DCBLD1: variants seen among roughly 807,000 people sequenced by gnomAD.
DCBLD1 encodes the protein discoidin, CUB and LCCL domain-containing protein 1.
Under a neutral mutation model 71.5 loss-of-function variants are expected in DCBLD1, and 57 were observed. That is an observed-to-expected ratio of 0.80 (90% confidence interval 0.64 to 0.99). The LOEUF (loss-of-function observed/expected upper bound fraction) is 0.99, where lower values mean the gene tolerates loss of function less well. Ranked by LOEUF, DCBLD1 falls within the 50% of genes least tolerant of loss-of-function variation. The probability of loss-of-function intolerance (pLI) is 0.00; values close to 1 mark genes in which losing one functional copy is unlikely to be tolerated. For missense variants in DCBLD1, 891 were observed against 923.5 expected, an observed-to-expected ratio of 0.96 and a Z score of 0.46; for synonymous variants, 380 against 363.8, an observed-to-expected ratio of 1.04 and a Z score of -0.51.
At chr6:117,507,949 C>T (rs1777893325) in intron 2 of DCBLD1, 1 of 152,150 alleles carries the variant, frequency 6.6e-6, no homozygotes, top group African/African-American at 2.4e-5. Flanking sequence ...CATTTCTTTG[C>T]TTCCCTCTTG....
At chr6:117,546,058 CT>C (rs2114570123) in intron 14 of DCBLD1, among the ~76,000 whole-genome samples, 1 of 152,236 alleles carries the variant, frequency 6.6e-6, no homozygotes, top group Non-Finnish European at 1.5e-5. Flanking sequence ...TGGGGAAATG[CT>C]TTTTGTTTCT....
chr6:117,545,361 T>C lies in DCBLD1; in HGVS notation c.1496-117T>C. 2.2e-6 allele frequency: 3 copies of C among 1,391,864 alleles called. No homozygotes were observed. In the South Asian group the frequency reaches 4.0e-5, roughly 18 times the overall value. The allele number at this position is 1,391,864 out of a possible 1,614,324, so 86.2% of individuals were successfully genotyped here. On this transcript the variant is annotated intron_variant, in intron 13 of 14. Coordinates refer to ENST00000338728, the MANE Select transcript of DCBLD1 (RefSeq NM_001366458.2). ...TAGCACACACACCTGAGGAGGACAT[T>C]GATCACTGTCAGCTGTCAGGAGGCA... is the stretch of plus-strand genomic sequence containing the variant.
At chr6:117,498,197 T>G (rs1381617487) in intron 1 of DCBLD1, among the ~76,000 whole-genome samples, 1 of 152,198 alleles carries the variant, frequency 6.6e-6, no homozygotes, top group Non-Finnish European at 1.5e-5. Context: ...AATCTAAACT[T>G]CATACATCTA....
intron 3 of DCBLD1, among the ~76,000 whole-genome samples, chr6:117,520,978 T>C (rs1019999397): frequency 6.6e-6 from 1 of 152,254 alleles, no homozygotes; most frequent in African/African-American, 2.4e-5. Context: ...TAGCCTCTAT[T>C]GCTGAATATT....
Position 117,548,101 on chromosome 6 carries a change from A to G in DCBLD1, c.1810A>G (p.Ile604Val). ...APPEPEYATP[I>V]VERHVLRAHT... ...CCCGGAGCCCGAGTACGCCACGCCC[A>G]TCGTGGAGCGGCACGTGCTGCGCGC... Residue 604 changes from isoleucine (I) to valine (V), a missense_variant, in exon 15 of 15, where the codon ATC (isoleucine) becomes GTC (valine). Physicochemically the swap from Ile to Val is conservative, Grantham distance 29 (BLOSUM62 3). Transcript: ENST00000338728. 3 of 1,549,564 alleles carry G rather than the reference A, an allele frequency of 1.9e-6. No homozygotes were observed. The highest frequency in any genetic ancestry group is 2.6e-6 in the Non-Finnish European group (3 of 1,146,442).
chr6:117,542,960 A>T (rs931908616), intron 11 of DCBLD1, among the ~76,000 whole-genome samples, 164 bp from the exon 12 acceptor site: 1 of 152,122 alleles, frequency 6.6e-6, no homozygotes, highest in African/African-American at 2.4e-5. Flanking sequence ...AGGATTTTGA[A>T]TCCTTTCTTT....
chr6:117,493,093 A>G (rs531609752), intron 1 of DCBLD1, among the ~76,000 whole-genome samples: 23 of 152,336 alleles, frequency 1.5e-4, no homozygotes, highest in Non-Finnish European at 2.9e-4. Context: ...TAGATACTAA[A>G]ATTAAACCAT....
intron 1 of DCBLD1, among the ~76,000 whole-genome samples, chr6:117,485,692 T>G (rs1777060948): frequency 6.6e-6 from 1 of 152,166 alleles, no homozygotes; most frequent in South Asian, 2.1e-4. Flanking sequence ...AACAATCTCT[T>G]TGTGTTTAGG....
chr6:117,547,803 G>A (rs1779319432), intron 14 of DCBLD1, 104 bp from the exon 15 acceptor site: 2 of 1,543,682 alleles, frequency 1.3e-6, no homozygotes, highest in Non-Finnish European at 1.7e-6. Context: ...GGCACCCGGG[G>A]GGAAAGTCAG....
chr6:117,484,439 C>T (rs1777015012), intron 1 of DCBLD1, among the ~76,000 whole-genome samples: 1 of 152,214 alleles, frequency 6.6e-6, no homozygotes, highest in African/African-American at 2.4e-5. Context: ...GCCTCAACCT[C>T]CTGGGCTCAA....
intron 1 of DCBLD1, among the ~76,000 whole-genome samples, chr6:117,500,591 G>T (rs1379827131): frequency 6.6e-6 from 1 of 152,230 alleles, no homozygotes; most frequent in Non-Finnish European, 1.5e-5. Flanking sequence ...CCCTGGCCGG[G>T]TGCGGTGGCT....
chr6:117,544,301 T>C, intron 12 of DCBLD1: 2 of 457,730 alleles, frequency 4.4e-6, no homozygotes, highest in Non-Finnish European at 7.6e-6. Context: ...ATAAGATTAG[T>C]ATATATTCTT....
intron 5 of DCBLD1, among the ~76,000 whole-genome samples, chr6:117,526,593 C>G (rs1778553940): frequency 6.6e-6 from 1 of 152,144 alleles, no homozygotes; most frequent in South Asian, 2.1e-4. Context: ...AAATGGTTTC[C>G]TGCATGGTAG....
At chr6:117,522,851 C>T (rs1778430027) in intron 4 of DCBLD1, among the ~76,000 whole-genome samples, 1 of 152,114 alleles carries the variant, frequency 6.6e-6, no homozygotes, top group African/African-American at 2.4e-5. Flanking sequence ...AACCAAAGTA[C>T]AAACCAATTA....
chr6:117,523,605 G>GGGA (rs1186075921), intron 4 of DCBLD1, among the ~76,000 whole-genome samples: 1 of 152,136 alleles, frequency 6.6e-6, no homozygotes, highest in Non-Finnish European at 1.5e-5. Context: ...ATTGGCTCTA[G>GGGA]GGAATTGTTA....
intron 14 of DCBLD1, among the ~76,000 whole-genome samples, chr6:117,564,511 TATAA>T (rs1430447235): frequency 1.2e-4 from 18 of 152,286 alleles, no homozygotes; most frequent in Middle Eastern, 6.8e-3. Flanking sequence ...ATAATAGGCT[TATAA>T]ATAAATAAGT....
intron 5 of DCBLD1, among the ~76,000 whole-genome samples, chr6:117,526,394 A>G (rs1017209019): frequency 6.6e-6 from 1 of 152,206 alleles, no homozygotes; most frequent in Non-Finnish European, 1.5e-5. Context: ...TTAAATGACT[A>G]CAGGGAATTA....
intron 14 of DCBLD1, among the ~76,000 whole-genome samples, chr6:117,568,162 T>G (rs1330641077): frequency 4.6e-5 from 7 of 152,064 alleles, no homozygotes; most frequent in African/African-American, 1.2e-4. Flanking sequence ...ATTGTGCCAC[T>G]GCACTCCAGC....
intron 5 of DCBLD1, among the ~76,000 whole-genome samples, chr6:117,528,242 A>G (rs1040608892): frequency 5.3e-5 from 8 of 152,200 alleles, no homozygotes; most frequent in African/African-American, 1.9e-4. Flanking sequence ...CAGCATTTCT[A>G]TAAAGAATGC....
Sources: allele counts gnomAD v4.1 joint callset (sites outside exome capture counted in the v4.1 genomes callset), GRCh38; gene constraint gnomAD v4.1.1; transcripts MANE v1.5; gene names NCBI Gene and HGNC (gene_info 2026-07-23, HGNC 2026-07-21).